RYR2: variants seen among roughly 807,000 people sequenced by gnomAD.
The protein encoded by RYR2 is cardiac muscle ryanodine receptor-calcium release channel.
Under a neutral mutation model 601.1 loss-of-function variants are expected in RYR2, and 227 were observed. The observed-to-expected ratio is 0.38, with a 90% CI of 0.34 to 0.42. The LOEUF is 0.42. Among genes scored for constraint, RYR2 ranks in the 10% least tolerant of loss-of-function variants. The pLI is 1.00. For missense variants in RYR2, 4,646 were observed against 6,156.5 expected (o/e 0.75, Z 8.21); for synonymous variants, 2,223 against 2,175.1 (o/e 1.02, Z -0.61).
chr1:237,710,550 A>G (rs1688743643), intron 70 of RYR2, among the ~76,000 whole-genome samples: 1 of 152,202 alleles, frequency 6.6e-6, no homozygotes, highest in Admixed American at 6.5e-5. Context: ...ATATGAAATA[A>G]TGGCTGCTTA....
chr1:237,653,176 A>C (rs940108643), intron 51 of RYR2, among the ~76,000 whole-genome samples: 1 of 152,204 alleles, frequency 6.6e-6, no homozygotes, highest in Non-Finnish European at 1.5e-5. Context: ...CAACGTAGAC[A>C]ATCAGTAAAG....
At chr1:237,814,551 G>T (rs1178199434) in intron 100 of RYR2, among the ~76,000 whole-genome samples, 1 of 137,464 alleles carries the variant, frequency 7.3e-6, no homozygotes, top group African/African-American at 2.8e-5. Flanking sequence ...AAGTCACAGG[G>T]GGATTTTTTT....
rs569658948 is a variant in RYR2 at position 237,702,153 on chromosome 1, A to G, written c.9449+94A>G. ...ATCTTCATTTCATAACCTGTTTCCT[A>G]GTTATAAACTAAACCGGATTGACCT... On this transcript the variant is annotated intron_variant, in intron 66 of 104. Transcript: ENST00000366574. The G allele has an allele frequency of 1.6e-4, 114 of 730,508 alleles. 2 individuals are homozygous for G. In the South Asian group the frequency reaches 1.8e-3, roughly 12 times the overall value. The allele number at this position is 730,508 out of a possible 1,614,324, so 45.3% of individuals were successfully genotyped here.
At chr1:237,791,849 T>G (rs1439412622) in intron 93 of RYR2, 1 of 579,834 alleles carries the variant, frequency 1.7e-6, no homozygotes, top group Non-Finnish European at 3.1e-6. Context: ...AGAAGAGAGC[T>G]TAGCCATCTA....
In RYR2 at chr1:237,157,352, A is replaced by G. The variant is rs189311930; in HGVS notation, c.49-113145A>G. On this transcript the variant is annotated intron_variant, in intron 1 of 104. Transcript: ENST00000366574. ...AAAGAAAGAAAGAAAAGAAAAAGAG[A>G]AAGAACTGCTATATGATCCAGCAAT... Among the ~76,000 whole-genome samples the G allele has an allele frequency of 3.0e-4, 45 of 151,728 alleles. 1 individual carries two copies. In the East Asian group the frequency reaches 8.5e-3, roughly 29 times the overall value.
At chr1:237,656,052 G>A in intron 53 of RYR2, 68 bp downstream of exon 53, 1 of 1,484,602 alleles carries the variant, frequency 6.7e-7, no homozygotes, top group Non-Finnish European at 9.2e-7. Flanking sequence ...ATTGAATAAG[G>A]TACTAAAGTG....
chr1:237,234,454 A>G (rs1685332067), intron 1 of RYR2, among the ~76,000 whole-genome samples: 1 of 152,200 alleles, frequency 6.6e-6, no homozygotes, highest in South Asian at 2.1e-4. Flanking sequence ...TACAAAGCCT[A>G]TGAAATATGC....
At chr1:237,609,971 G>T (rs981875409) in intron 35 of RYR2, among the ~76,000 whole-genome samples, 1 of 152,146 alleles carries the variant, frequency 6.6e-6, no homozygotes, top group Admixed American at 6.5e-5. Flanking sequence ...CAATAGGAAA[G>T]CAGTTTGAGG....
At position 237,784,874 on chromosome 1, in the gene RYR2, G is replaced by C; in HGVS notation, c.13162G>C (p.Gly4388Arg). 1 of 1,613,698 alleles carries C rather than the reference G, an allele frequency of 6.2e-7. No homozygotes were observed. Among genetic ancestry groups the C allele is most frequent in the Non-Finnish European group, 8.5e-7 (1 of 1,179,764 alleles). The stretch of plus-strand genomic sequence containing the variant: ...CTTTGGCCTGGATCTGAAGAGAGAA[G>C]GAGGACAGTACAAACTGATTCCTCA... Reference protein sequence around the residue: ...DIFGLDLKREGGQYKLIPHNP... With the variant: ...DIFGLDLKRERGQYKLIPHNP... The change falls in exon 90 of 105, where the codon GGA (glycine) becomes CGA (arginine). Residue 4388 changes from glycine (G) to arginine (R), a missense_variant. By Grantham distance (125) the Gly-to-Arg change is moderately radical. Coordinates refer to ENST00000366574, the MANE Select transcript of RYR2 (RefSeq NM_001035.3). This position sits in a 1 kb window ranked among gnomAD's most constrained non-coding sequence, Gnocchi z 7.1.
At chr1:237,323,963 T>C (rs1695895291) in intron 2 of RYR2, among the ~76,000 whole-genome samples, 1 of 152,170 alleles carries the variant, frequency 6.6e-6, no homozygotes, top group African/African-American at 2.4e-5. Context: ...GCAATAATGT[T>C]AACCTCTGGC....
At chr1:237,527,935 C>T (rs1291511328) in intron 24 of RYR2, among the ~76,000 whole-genome samples, 1 of 152,150 alleles carries the variant, frequency 6.6e-6, no homozygotes, top group African/African-American at 2.4e-5. Flanking sequence ...TTGTCCTGCC[C>T]AGGATGCGAA....
intron 92 of RYR2, among the ~76,000 whole-genome samples, chr1:237,789,270 T>A (rs950551101): frequency 2.6e-5 from 4 of 152,148 alleles, no homozygotes; most frequent in Non-Finnish European, 5.9e-5. Flanking sequence ...AACTATAGAA[T>A]TTCACCTATA....
intron 1 of RYR2, among the ~76,000 whole-genome samples, chr1:237,248,943 T>G (rs1038686755): frequency 1.3e-5 from 2 of 152,094 alleles, no homozygotes; most frequent in Admixed American, 1.3e-4. Context: ...TTTTGTAGTT[T>G]TAGTAGAGAC....
At chr1:237,200,493 GGTCTC>G (rs1681074353) in intron 1 of RYR2, among the ~76,000 whole-genome samples, 2 of 152,120 alleles carry the variant, frequency 1.3e-5, no homozygotes, top group Non-Finnish European at 2.9e-5. Context: ...TTGAACTCCT[GGTCTC>G]AAGTGATCTG....
chr1:237,388,015 A>C (rs1432307148), intron 9 of RYR2, 72 bp from the exon 10 acceptor site: 1 of 1,344,774 alleles, frequency 7.4e-7, no homozygotes, highest in Non-Finnish European at 1.1e-6. Context: ...AGAAGATTGG[A>C]CCAGATGATC....
chr1:237,109,927 A>G (rs760801609), intron 1 of RYR2, among the ~76,000 whole-genome samples: 1 of 151,798 alleles, frequency 6.6e-6, no homozygotes, highest in Non-Finnish European at 1.5e-5. Context: ...CCAAAATAAC[A>G]GGTGCCACAG....
intron 2 of RYR2, among the ~76,000 whole-genome samples, chr1:237,321,936 AC>A (rs745430569): frequency 6.6e-6 from 1 of 152,168 alleles, no homozygotes; most frequent in Non-Finnish European, 1.5e-5. Flanking sequence ...AGCAGTAAGT[AC>A]CTATAAGGAA....
chr1:237,228,674 C>T (rs1684656646), intron 1 of RYR2, among the ~76,000 whole-genome samples: 1 of 152,166 alleles, frequency 6.6e-6, no homozygotes, highest in South Asian at 2.1e-4. Context: ...ATCTCTGCAG[C>T]TTCCTTCTGT....
intron 24 of RYR2, among the ~76,000 whole-genome samples, chr1:237,523,287 G>C (rs1016272411): frequency 6.6e-6 from 1 of 152,168 alleles, no homozygotes; most frequent in African/African-American, 2.4e-5. Flanking sequence ...TGAAGAGACA[G>C]GCCACCAGCT....
Sources: gnomAD v4.1 joint callset for allele counts (sites outside exome capture counted in the v4.1 genomes callset) on GRCh38, gnomAD v4.1.1 for gene constraint, Gnocchi (gnomAD v3.1) non-coding constraint, MANE v1.5 for transcripts, NCBI Gene and HGNC (gene_info 2026-07-23, HGNC 2026-07-21) for gene names.